Variants in PPP2R2A observed in about 807,000 individuals in gnomAD.
PPP2R2A encodes protein phosphatase 2 regulatory subunit Balpha.
In PPP2R2A, 9 loss-of-function variants were observed where a neutral mutation model predicts 53.2. The ratio of observed to expected loss-of-function variants is 0.17; its 90% CI spans 0.10 to 0.30. The LOEUF (loss-of-function observed/expected upper bound fraction) is 0.30, where lower values mean the gene tolerates loss of function less well. Ranked by LOEUF, PPP2R2A falls within the 10% of genes least tolerant of loss-of-function variation. The pLI, the probability that PPP2R2A is intolerant of heterozygous loss-of-function variation, is 1.00. For synonymous variants in PPP2R2A, 169 were observed against 174.2 expected, an observed-to-expected ratio of 0.97 and a Z score of 0.23; for missense variants, 235 against 534.6, an observed-to-expected ratio of 0.44 and a Z score of 5.53.
At chr8:26,308,034 GT>G (rs1298376020) in intron 2 of PPP2R2A, among the ~76,000 whole-genome samples, 84 of 152,276 alleles carry the variant, frequency 5.5e-4, no homozygotes, top group African/African-American at 2.0e-3. Context: ...CAAATTTTTG[GT>G]TTCCCAGAGC....
chr8:26,351,523 T>A (rs1804512776), intron 3 of PPP2R2A, among the ~76,000 whole-genome samples: 1 of 152,228 alleles, frequency 6.6e-6, no homozygotes, highest in African/African-American at 2.4e-5. Context: ...ATTTCCATCA[T>A]TGCAGAAAAG....
intron 9 of PPP2R2A, among the ~76,000 whole-genome samples, 166 bp from the exon 10 acceptor site, chr8:26,369,968 C>T (rs3200031): frequency 0.048 from 7,318 of 152,232 alleles, 247 homozygotes; most frequent in Non-Finnish European, 0.073. Flanking sequence ...TAATTAGTAC[C>T]GTATTTCTGG....
At chr8:26,331,426 T>C (rs958209567) in intron 2 of PPP2R2A, among the ~76,000 whole-genome samples, 3 of 152,226 alleles carry the variant, frequency 2.0e-5, no homozygotes, top group Non-Finnish European at 4.4e-5. Flanking sequence ...TACTTTAACC[T>C]CTTGAAAGTA....
chr8:26,304,337 A>G (rs1041068416), intron 2 of PPP2R2A, among the ~76,000 whole-genome samples: 9 of 151,576 alleles, frequency 5.9e-5, no homozygotes, highest in Admixed American at 2.6e-4. Flanking sequence ...TTAGAAGGAT[A>G]TATTGGATTT....
chr8:26,323,468 A>G (rs778350111), intron 2 of PPP2R2A, among the ~76,000 whole-genome samples: 5 of 152,124 alleles, frequency 3.3e-5, no homozygotes, highest in South Asian at 2.1e-4. Flanking sequence ...ACTTTTTCCA[A>G]TGCCAGTTGG....
At chr8:26,303,174 G>A (rs1801865777) in intron 2 of PPP2R2A, among the ~76,000 whole-genome samples, 1 of 152,122 alleles carries the variant, frequency 6.6e-6, no homozygotes, top group Non-Finnish European at 1.5e-5. Flanking sequence ...AATTAGATCT[G>A]CCTTAAGCTC....
chr8:26,332,427 C>G (rs543542934), intron 2 of PPP2R2A, among the ~76,000 whole-genome samples: 2 of 149,690 alleles, frequency 1.3e-5, no homozygotes, highest in African/African-American at 4.9e-5. Context: ...AAAAAAAATA[C>G]TTAAGCAATT....
At chr8:26,291,990 G>T in intron 1 of PPP2R2A, 164 bp downstream of exon 1, 1 of 1,232,104 alleles carries the variant, frequency 8.1e-7, no homozygotes. Flanking sequence ...GAGGGCTCCC[G>T]GGAGGCAAGT....
At chr8:26,357,456 A>C (rs540353824) in intron 4 of PPP2R2A, among the ~76,000 whole-genome samples, 1 of 152,116 alleles carries the variant, frequency 6.6e-6, no homozygotes, top group Admixed American at 6.5e-5. Context: ...TTTTTACTTA[A>C]AGGACGTCAT....
chr8:26,351,973 A>G (rs1804543358), intron 3 of PPP2R2A, among the ~76,000 whole-genome samples: 1 of 152,210 alleles, frequency 6.6e-6, no homozygotes, highest in African/African-American at 2.4e-5. Context: ...AATGCCTGTT[A>G]TATGTGCCAA....
At chr8:26,291,848 CCCCCTGACAAGGCA>C (rs1801310253) in intron 1 of PPP2R2A, 22 bp downstream of exon 1, 2 of 1,608,156 alleles carry the variant, frequency 1.2e-6, no homozygotes, top group African/African-American at 2.7e-5. Flanking sequence ...ATCCCCCTCG[CCCCCTGACAAGGCA>C]CCGCTTCCTT....
chr8:26,330,384 A>G (rs1205391155), intron 2 of PPP2R2A, among the ~76,000 whole-genome samples: 1 of 146,744 alleles, frequency 6.8e-6, no homozygotes, highest in Non-Finnish European at 1.5e-5. Context: ...ATCTTGGCTC[A>G]CTGCAACTTC....
chr8:26,366,257 T>C lies in PPP2R2A; in HGVS notation c.973-58T>C, dbSNP rs181100009. The C allele has an allele frequency of 1.9e-4, 265 of 1,378,214 alleles. 1 individual carries two copies. In the East Asian group the frequency reaches 5.0e-3, roughly 26 times the overall value. The allele number at this position is 1,378,214 out of a possible 1,614,324, so 85.4% of individuals were successfully genotyped here. A position where few individuals can be genotyped will look rare whatever the true frequency, so the allele number is the denominator to read the frequency against. ...TGCCCTTTTTTTCTTTTTAAAGATA[T>C]GGACTTGTTAAATCATTTTCCTAAT... On this transcript the variant is annotated intron_variant, in intron 8 of 9. Coordinates refer to ENST00000380737, the MANE Select transcript of PPP2R2A (RefSeq NM_002717.4).
Position 26,319,554 on chromosome 8 carries a change from A to AT in PPP2R2A, c.83-19327dup, listed in dbSNP as rs1433947358. Among the ~76,000 whole-genome samples the AT allele has an allele frequency of 5.3e-5, 8 of 150,820 alleles. No individual in the cohort carries two copies. In the South Asian group the frequency reaches 8.4e-4, roughly 16 times the overall value. On this transcript the variant is annotated intron_variant, in intron 2 of 9. Transcript: ENST00000380737. ...TTAGTATGATGTAAAGCAAGGGTCC[A>AT]TTTTTTTTTCTTTTGTGTGTGGATA...
intron 3 of PPP2R2A, among the ~76,000 whole-genome samples, chr8:26,343,375 AT>A (rs1301786557): frequency 1.5e-3 from 206 of 141,256 alleles, no homozygotes; most frequent in Admixed American, 1.3e-3. Context: ...GACTTCTCAG[AT>A]TTTTTTTTTT....
Position 26,370,036 on chromosome 8 carries a change from T to C in PPP2R2A, c.1065-98T>C. 1 of 1,318,334 alleles carries C rather than the reference T, an allele frequency of 7.6e-7. No individual in the cohort carries two copies. The highest frequency in any genetic ancestry group is 1.1e-6 in the Non-Finnish European group (1 of 950,686). 81.7% of individuals were successfully genotyped at this position (1,318,334 alleles called of 1,614,324 possible). ...CCCTGTCCCTTAGTTTAAATCTGCT[T>C]TTGAAGTAGCTTCCTATGGTTTAAT... On this transcript the variant is annotated intron_variant, in intron 9 of 9. Transcript: ENST00000380737. The surrounding 1 kb of genome is among the most constrained non-coding windows in gnomAD (Gnocchi z 6.1).
rs1448429410 is a variant in PPP2R2A, at chr8:26,338,197, G to C, written c.83-693G>C. Among the ~76,000 whole-genome samples, 4 of 152,012 alleles carry C rather than the reference G, an allele frequency of 2.6e-5. No individual in the cohort carries two copies. The South Asian group carries it at 6.2e-4, about 24-fold the overall frequency. ...TTAGACTTTTTTTCTTAGGAAAAGG[G>C]CTCTAGTGTGAAAAACCAAGAAAAA... On this transcript the variant is annotated intron_variant, in intron 2 of 9. Coordinates refer to ENST00000380737, the MANE Select transcript of PPP2R2A (RefSeq NM_002717.4). The surrounding 1 kb of genome is among the most constrained non-coding windows in gnomAD (Gnocchi z 4.5).
At chr8:26,314,881 T>G (rs368192570) in intron 2 of PPP2R2A, among the ~76,000 whole-genome samples, 52 of 111,230 alleles carry the variant, frequency 4.7e-4, no homozygotes, top group Admixed American at 1.5e-3. Flanking sequence ...CCTCTTTTTT[T>G]TTCCCTTCCC....
At chr8:26,364,830 A>G (rs1341558781) in intron 8 of PPP2R2A, among the ~76,000 whole-genome samples, 1 of 152,188 alleles carries the variant, frequency 6.6e-6, no homozygotes, top group African/African-American at 2.4e-5. Context: ...ACCAATGCAC[A>G]TTTGAAAATA....
Sources: gnomAD v4.1 joint callset for allele counts (sites outside exome capture counted in the v4.1 genomes callset) on GRCh38, gnomAD v4.1.1 for gene constraint, Gnocchi (gnomAD v3.1) non-coding constraint, MANE v1.5 for transcripts, NCBI Gene and HGNC (gene_info 2026-07-23, HGNC 2026-07-21) for gene names.